The following ADD1 variants were observed in gnomAD, a reference collection of about 807,000 sequenced individuals.
The protein encoded by ADD1 is adducin 1.
ADD1 carries 24 observed loss-of-function variants against 80.5 expected under a neutral mutation model. The ratio of observed to expected loss-of-function variants is 0.30; its 90% CI spans 0.22 to 0.42. ADD1 has a LOEUF of 0.42. ADD1 is among the 10% of genes least tolerant of loss of function. The pLI is 1.00. For missense variants in ADD1, 948 were observed against 1,019.0 expected (o/e 0.93, Z 0.95); for synonymous variants, 373 against 393.8 (o/e 0.95, Z 0.63).
At chr4:2,899,167 G>T in intron 8 of ADD1, 92 bp from the exon 9 acceptor site, 1 of 1,302,770 alleles carries the variant, frequency 7.7e-7, no homozygotes. Flanking sequence ...TAGAGATTTG[G>T]TTTCTTTTGA....
intron 3 of ADD1, among the ~76,000 whole-genome samples, 171 bp from the exon 4 acceptor site, chr4:2,884,344 G>C (rs1732889045): frequency 6.6e-6 from 1 of 152,154 alleles, no homozygotes; most frequent in Non-Finnish European, 1.5e-5. Context: ...AATATTTGAG[G>C]CTTTTTGGTA....
At chr4:2,855,765 A>G (rs1037142056) in intron 1 of ADD1, among the ~76,000 whole-genome samples, 1 of 150,876 alleles carries the variant, frequency 6.6e-6, no homozygotes, top group Non-Finnish European at 1.5e-5. Context: ...CAGTGGCGCG[A>G]TCACAGCTCA....
rs762392218 is a variant in ADD1, at chr4:2,925,974, C to T, written c.1949-40C>T. On this transcript the variant is annotated intron_variant, in intron 14 of 15. Coordinates refer to ENST00000683351, the MANE Select transcript of ADD1 (RefSeq NM_001354761.2). ...AGGCAGGTACAGGCTCATGGCGTGGCGTCCACAGCTCCTACCATATCCTTC... is the reference window on the plus strand; with the variant it reads ...AGGCAGGTACAGGCTCATGGCGTGGTGTCCACAGCTCCTACCATATCCTTC... 14 of 1,577,014 alleles carry T rather than the reference C, an allele frequency of 8.9e-6. No homozygotes were observed. In the South Asian group the frequency reaches 1.0e-4, roughly 11 times the overall value.
chr4:2,859,402 A>G (rs760236072), intron 1 of ADD1, among the ~76,000 whole-genome samples: 1 of 152,264 alleles, frequency 6.6e-6, no homozygotes, highest in Non-Finnish European at 1.5e-5. Context: ...AAAAGGGTCA[A>G]TACCTGTACT....
At chr4:2,847,319 G>T (rs571694036) in intron 1 of ADD1, among the ~76,000 whole-genome samples, 69 of 151,972 alleles carry the variant, frequency 4.5e-4, no homozygotes, top group African/African-American at 1.5e-3. Flanking sequence ...TACTAGGGAG[G>T]CTGAGGCAGG....
Position 2,899,367 on chromosome 4 carries a change from G to A in ADD1, c.1093G>A (p.Gly365Arg), listed in dbSNP as rs1735792135. The A allele has an allele frequency of 6.2e-7, 1 of 1,614,234 alleles. No homozygotes were observed. Among genetic ancestry groups the A allele is most frequent in the Non-Finnish European group, 8.5e-7 (1 of 1,180,036 alleles). ...SPGSPVGEGT[G>R]SPPKWQIGEQ... ...AGGGTCTCCGGTAGGGGAAGGCACT[G>A]GATCGCCTCCCAAGTGGCAGATTGG... Residue 365 changes from glycine (G) to arginine (R), a missense_variant, in exon 9 of 16, where the codon GGA becomes AGA. Physicochemically the swap from Gly to Arg is moderately radical, Grantham distance 125. Coordinates refer to ENST00000683351, the MANE Select transcript of ADD1 (RefSeq NM_001354761.2).
In ADD1 at chr4:2,909,278, C is replaced by T. The variant is rs1045085615; in HGVS notation, c.1699-61C>T. 1.1e-5 allele frequency: 15 copies of T among 1,394,368 alleles called. No individual in the cohort carries two copies. The Admixed American group carries it at 2.6e-4, about 24-fold the overall frequency. The allele number at this position is 1,394,368 out of a possible 1,614,324, so 86.4% of individuals were successfully genotyped here. A position where few individuals can be genotyped will look rare whatever the true frequency, so the allele number is the denominator to read the frequency against. ...CTCTTAGCCAGCTCCATCCTGTGCT[C>T]TCAGCTGATATTTCACAGGCTGGGC... On this transcript the variant is annotated intron_variant, in intron 12 of 15. Transcript: ENST00000683351.
intron 1 of ADD1, among the ~76,000 whole-genome samples, chr4:2,872,490 TTTATC>T (rs1730606480): frequency 6.6e-6 from 1 of 152,228 alleles, no homozygotes; most frequent in Non-Finnish European, 1.5e-5. Context: ...TTTATACTCT[TTTATC>T]TGTATTATGC....
chr4:2,916,429 C>T (rs1375281892), intron 14 of ADD1, among the ~76,000 whole-genome samples: 3 of 151,962 alleles, frequency 2.0e-5, no homozygotes, highest in South Asian at 2.1e-4. Context: ...GTCTTGAACT[C>T]GTGATCCGCC....
rs1732751194 is a variant in ADD1 at position 2,883,603 on chromosome 4, A to G, written c.359-912A>G. Among the ~76,000 whole-genome samples, 3 of 152,018 alleles carry G rather than the reference A, an allele frequency of 2.0e-5. No individual in the cohort carries two copies. In the South Asian group the frequency reaches 6.2e-4, roughly 32 times the overall value. ...TGCTGGAGTACAGTGGCACGATCACAGCTCACTACAACCTTGAACTCCTAG... is the reference window on the plus strand; with the variant it reads ...TGCTGGAGTACAGTGGCACGATCACGGCTCACTACAACCTTGAACTCCTAG... On this transcript the variant is annotated intron_variant, in intron 3 of 15. Coordinates refer to ENST00000683351, the MANE Select transcript of ADD1 (RefSeq NM_001354761.2).
At chr4:2,848,705 G>T (rs1726626452) in intron 1 of ADD1, among the ~76,000 whole-genome samples, 1 of 151,486 alleles carries the variant, frequency 6.6e-6, no homozygotes, top group Non-Finnish European at 1.5e-5. Flanking sequence ...TTGAATTCCT[G>T]GTCTCAAGTG....
intron 13 of ADD1, 94 bp downstream of exon 13, chr4:2,909,525 A>T: frequency 1.2e-6 from 1 of 849,118 alleles, no homozygotes; most frequent in Non-Finnish European, 1.8e-6. Context: ...TGTCTTAGTT[A>T]CTGAAGTAGC....
In ADD1 at chr4:2,907,513, G is replaced by A. The variant is rs550446005; in HGVS notation, c.1507-230G>A. The A allele has an allele frequency of 6.5e-5, 28 of 433,078 alleles. 1 individual carries two copies. In the East Asian group the frequency reaches 1.2e-3, roughly 18 times the overall value. 26.8% of individuals were successfully genotyped at this position (433,078 alleles called of 1,614,324 possible). ...GATTCAGCTGGGCTTTCCAGATGGT[G>A]GTTTTCCATCAGTCATGACTTTGAC... On this transcript the variant is annotated intron_variant, in intron 10 of 15. Transcript: ENST00000683351.
chr4:2,882,184 T>C (rs984277886), intron 3 of ADD1, 124 bp downstream of exon 3: 2 of 936,742 alleles, frequency 2.1e-6, no homozygotes, highest in Non-Finnish European at 3.1e-6. Flanking sequence ...ATTTTGAAAA[T>C]TAATGTGTTT....
intron 1 of ADD1, among the ~76,000 whole-genome samples, chr4:2,857,269 G>A (rs1302778473): frequency 1.3e-5 from 2 of 152,096 alleles, no homozygotes; most frequent in Non-Finnish European, 2.9e-5. Flanking sequence ...TATCTAAGCT[G>A]TTACTCATTT....
At chr4:2,885,723 C>A (rs1166144482) in intron 4 of ADD1, among the ~76,000 whole-genome samples, 1 of 152,080 alleles carries the variant, frequency 6.6e-6, no homozygotes, top group Admixed American at 6.5e-5. Flanking sequence ...CATTCTCCTG[C>A]CTCAGCCTCC....
chr4:2,926,595 G>A lies in ADD1; in HGVS notation c.2047+483G>A. On this transcript the variant is annotated intron_variant, in intron 15 of 15. Coordinates refer to ENST00000683351, the MANE Select transcript of ADD1 (RefSeq NM_001354761.2). The surrounding 1 kb of genome is among the most constrained non-coding windows in gnomAD (Gnocchi z 5.0). The stretch of plus-strand genomic sequence containing the variant: ...CCTGATGGCTGTGACTGAATGCATA[G>A]ATTCTCTCCTTGTGCTTTTTTCTCC... The A allele has an allele frequency of 6.2e-7, 1 of 1,608,854 alleles. No homozygotes were observed. The highest frequency in any genetic ancestry group is 1.7e-4 in the Middle Eastern group (1 of 6,040).
intron 1 of ADD1, among the ~76,000 whole-genome samples, chr4:2,872,949 A>T (rs1276461773): frequency 1.3e-5 from 2 of 151,924 alleles, no homozygotes; most frequent in Non-Finnish European, 2.9e-5. Context: ...AGTTTTTTGC[A>T]TGTTTTTCCC....
chr4:2,882,641 C>T (rs1299688616), intron 3 of ADD1, among the ~76,000 whole-genome samples: 1 of 152,166 alleles, frequency 6.6e-6, no homozygotes, highest in Non-Finnish European at 1.5e-5. Flanking sequence ...ATCTGATTGC[C>T]CGAAATAAGG....
Sources: gnomAD v4.1 joint callset for allele counts (sites outside exome capture counted in the v4.1 genomes callset) on GRCh38, gnomAD v4.1.1 for gene constraint, Gnocchi (gnomAD v3.1) non-coding constraint, MANE v1.5 for transcripts, NCBI Gene and HGNC (gene_info 2026-07-23, HGNC 2026-07-21) for gene names.